Variants in CDH8 observed in about 807,000 individuals in gnomAD.
CDH8 encodes the protein cadherin-8.
Under a neutral mutation model 68.1 loss-of-function variants are expected in CDH8, and 17 were observed. That is an observed-to-expected ratio of 0.25 (90% confidence interval 0.17 to 0.37). The LOEUF is 0.37. CDH8 is among the 10% of genes least tolerant of loss of function. The pLI is 1.00. For missense variants in CDH8, 763 were observed against 999.3 expected (o/e 0.76, Z 3.19); for synonymous variants, 372 against 365.1 (o/e 1.02, Z -0.21).
chr16:62,021,341 A>G lies in CDH8; in HGVS notation c.63T>C (p.Ile21=). Residue 21 remains isoleucine (I), a synonymous_variant, in exon 2 of 12, where the codon ATT becomes ATC. Transcript: ENST00000577390. ...CCATGTAAATGCAAGGGGGAAGAGT[A>G]ATCCATAATATTATTAATGGAGTCC... ...DLWTPLIILW[I]TLPPCIYMAP... 6.2e-7 allele frequency: 1 copy of G among 1,614,010 alleles called. No individual in the cohort carries two copies. Among genetic ancestry groups the G allele is most frequent in the Non-Finnish European group, 8.5e-7 (1 of 1,179,918 alleles).
At chr16:61,661,165 T>C (rs1567408175) in intron 10 of CDH8, among the ~76,000 whole-genome samples, 1 of 152,046 alleles carries the variant, frequency 6.6e-6, no homozygotes. Flanking sequence ...AATAGTGGCA[T>C]ACTCTAATAT....
chr16:61,991,392 G>A (rs962511138), intron 2 of CDH8, among the ~76,000 whole-genome samples: 10 of 152,130 alleles, frequency 6.6e-5, no homozygotes, highest in Non-Finnish European at 1.5e-4. Context: ...GTAAGTGATC[G>A]TAACCTTCAA....
At chr16:61,941,378 G>A (rs141313570) in intron 2 of CDH8, among the ~76,000 whole-genome samples, 7 of 152,268 alleles carry the variant, frequency 4.6e-5, no homozygotes, top group African/African-American at 9.6e-5. Context: ...AAAACAAAGC[G>A]TCATATTCTC....
chr16:61,950,235 AT>A (rs963705923), intron 2 of CDH8, among the ~76,000 whole-genome samples: 40 of 151,904 alleles, frequency 2.6e-4, no homozygotes, highest in Non-Finnish European at 2.9e-4. Flanking sequence ...TCTCAAATGA[AT>A]TTTTTTTTCT....
chr16:61,867,045 CA>C (rs1366552177), intron 3 of CDH8, among the ~76,000 whole-genome samples: 1 of 151,944 alleles, frequency 6.6e-6, no homozygotes, highest in Non-Finnish European at 1.5e-5. Context: ...ATGTGAGAGA[CA>C]AAATCCTATC....
chr16:61,675,525 A>G (rs909045504), intron 10 of CDH8, among the ~76,000 whole-genome samples: 2 of 150,894 alleles, frequency 1.3e-5, no homozygotes, highest in African/African-American at 4.9e-5. Flanking sequence ...GGTGCAGCAC[A>G]CCAGCATGGC....
chr16:61,703,854 C>T (rs971522123), intron 10 of CDH8, among the ~76,000 whole-genome samples: 2 of 151,916 alleles, frequency 1.3e-5, no homozygotes, highest in African/African-American at 4.8e-5. Flanking sequence ...AGTTTTCATG[C>T]GTATTACTGA....
chr16:61,754,136 C>T (rs893322639), intron 8 of CDH8, among the ~76,000 whole-genome samples: 1 of 152,044 alleles, frequency 6.6e-6, no homozygotes, highest in Non-Finnish European at 1.5e-5. Flanking sequence ...TCCTTTCTAA[C>T]GTCCTTCAGC....
intron 10 of CDH8, among the ~76,000 whole-genome samples, chr16:61,684,205 T>A (rs1964062661): frequency 6.6e-6 from 1 of 151,980 alleles, no homozygotes; most frequent in South Asian, 2.1e-4. Flanking sequence ...ACTTTGTGAT[T>A]AATTGTATGT....
rs1308596302 is a variant in CDH8, at chr16:61,652,794, C to T, written c.*814G>A. 1.3e-5 allele frequency: 18 copies of T among 1,352,668 alleles called. No homozygotes were observed. Among genetic ancestry groups the T allele is most frequent in the Admixed American group, 6.6e-5 (2 of 30,388 alleles). The allele number at this position is 1,352,668 out of a possible 1,614,324, so 83.8% of individuals were successfully genotyped here. A position where few individuals can be genotyped will look rare whatever the true frequency, so the allele number is the denominator to read the frequency against. On this transcript the variant is annotated 3_prime_UTR_variant, in exon 12 of 12. Transcript: ENST00000577390. ...AGGATTAAACAAATAAATTCACGCG[C>T]TAGCAATAAAACCATCTGTCTCTTA...
intron 8 of CDH8, among the ~76,000 whole-genome samples, chr16:61,729,232 C>T (rs1364509072): frequency 3.3e-5 from 5 of 150,772 alleles, no homozygotes; most frequent in African/African-American, 4.9e-5. Flanking sequence ...AGACATAAGC[C>T]ATTTTCATAG....
At chr16:61,689,529 C>T (rs941464677) in intron 10 of CDH8, among the ~76,000 whole-genome samples, 1 of 151,948 alleles carries the variant, frequency 6.6e-6, no homozygotes, top group Admixed American at 6.6e-5. Flanking sequence ...TTTGTGACTT[C>T]AGGGCAATCA....
At chr16:62,006,007 A>T (rs1033917037) in intron 2 of CDH8, among the ~76,000 whole-genome samples, 12 of 152,162 alleles carry the variant, frequency 7.9e-5, no homozygotes, top group African/African-American at 2.7e-4. Context: ...GTTAATCTCA[A>T]CACACTTTGA....
At chr16:61,660,883 A>G (rs1410855832) in intron 10 of CDH8, among the ~76,000 whole-genome samples, 1 of 152,078 alleles carries the variant, frequency 6.6e-6, no homozygotes, top group Non-Finnish European at 1.5e-5. Flanking sequence ...AAAATGAGAG[A>G]ATTTGTCACC....
In CDH8 at chr16:62,021,441, C is replaced by A. The variant is rs977713672; in HGVS notation, c.-38G>T. ...TAAGCAAATCACCACGAAAATGAGACAATTATTTTTTTTGTCTCCGGTCTG... is the reference window on the plus strand; with the variant it reads ...TAAGCAAATCACCACGAAAATGAGAAAATTATTTTTTTTGTCTCCGGTCTG... On this transcript the variant is annotated 5_prime_UTR_variant, in exon 2 of 12. Coordinates refer to ENST00000577390, the MANE Select transcript of CDH8 (RefSeq NM_001796.5). 4 of 1,569,586 alleles carry A rather than the reference C, an allele frequency of 2.5e-6. No homozygotes were observed. In the African/African-American group the frequency reaches 5.5e-5, roughly 21 times the overall value.
In CDH8 at chr16:61,663,781, G is replaced by A. The variant is rs148624523; in HGVS notation, c.1655-8060C>T. 5.3e-5 allele frequency among the ~76,000 whole-genome samples: 8 copies of A among 151,114 alleles called. No individual in the cohort carries two copies. The East Asian group carries it at 1.4e-3, about 26-fold the overall frequency. On this transcript the variant is annotated intron_variant, in intron 10 of 11. Coordinates refer to ENST00000577390, the MANE Select transcript of CDH8 (RefSeq NM_001796.5). ...TAATCTTATAAGAATTCCTGTTACC[G>A]AACAAAACCAAAATTGAGTAAACAC... is the stretch of plus-strand genomic sequence containing the variant.
intron 8 of CDH8, among the ~76,000 whole-genome samples, chr16:61,741,334 C>T (rs1216082000): frequency 2.0e-5 from 3 of 152,022 alleles, no homozygotes; most frequent in Non-Finnish European, 4.4e-5. Flanking sequence ...TGCCCAATGG[C>T]TTAATTTTTC....
At chr16:61,779,460 TGTGTGCGC>T (rs202243970) in intron 8 of CDH8, among the ~76,000 whole-genome samples, 4,445 of 143,406 alleles carry the variant, frequency 0.031, 222 homozygotes, top group East Asian at 0.18. Flanking sequence ...TGTGTGTGTG[TGTGTGCGC>T]GCATGGTGAG....
intron 3 of CDH8, among the ~76,000 whole-genome samples, chr16:61,890,825 G>T (rs1246240402): frequency 6.6e-6 from 1 of 151,922 alleles, no homozygotes; most frequent in African/African-American, 2.4e-5. Flanking sequence ...ATAATTCAAA[G>T]ATTTTCTGCT....
Sources: gnomAD v4.1 joint callset for allele counts (sites outside exome capture counted in the v4.1 genomes callset) on GRCh38, gnomAD v4.1.1 for gene constraint, MANE v1.5 for transcripts, NCBI Gene and HGNC (gene_info 2026-07-23, HGNC 2026-07-21) for gene names.